MAP2K4: variants seen among roughly 807,000 people sequenced by gnomAD.
The protein encoded by MAP2K4 is dual specificity mitogen-activated protein kinase kinase 4.
In MAP2K4, 4 loss-of-function variants were observed where a neutral mutation model predicts 48.5. The observed-to-expected ratio is 0.08, with a 90% CI of 0.04 to 0.19. MAP2K4 has a LOEUF of 0.19. Among genes scored for constraint, MAP2K4 ranks in the 10% least tolerant of loss-of-function variants. MAP2K4 has a pLI of 1.00. For synonymous variants in MAP2K4, 166 were observed against 173.1 expected (o/e 0.96, Z 0.32); for missense variants, 258 against 493.3 (o/e 0.52, Z 4.52).
rs28921087 is a variant in MAP2K4 at position 12,133,430 on chromosome 17, T to C, written c.1040+4143T>C. ...TTCCCCAGATAAGGAATTTTGCTTC[T>C]AGATTGCCTGTTGGATAGTCATCGG... is the stretch of plus-strand genomic sequence containing the variant. On this transcript the variant is annotated intron_variant, in intron 9 of 10. Transcript: ENST00000353533. Among the ~76,000 whole-genome samples the C allele has an allele frequency of 6.2e-3, 949 of 152,334 alleles. 2 individuals carry two copies. The highest frequency in any genetic ancestry group is 0.036 in the East Asian group (187 of 5,186).
chr17:12,035,334 A>G (rs904771742), intron 1 of MAP2K4, among the ~76,000 whole-genome samples: 2 of 152,140 alleles, frequency 1.3e-5, no homozygotes, highest in African/African-American at 2.4e-5. Context: ...CCAGACCAAC[A>G]TGGAGAAACC....
intron 4 of MAP2K4, among the ~76,000 whole-genome samples, chr17:12,097,652 CAT>C (rs1372538088): frequency 2.0e-5 from 3 of 152,206 alleles, no homozygotes; most frequent in African/African-American, 4.8e-5. Flanking sequence ...GTTGTTTTCA[CAT>C]ATGTTTTCTT....
chr17:12,110,046 CA>C (rs1972252363), intron 5 of MAP2K4, among the ~76,000 whole-genome samples: 1 of 133,274 alleles, frequency 7.5e-6, no homozygotes. Flanking sequence ...GACCCAGTCT[CA>C]AAATAAAAAG....
At chr17:12,037,110 T>C (rs147651935) in intron 1 of MAP2K4, among the ~76,000 whole-genome samples, 3 of 152,318 alleles carry the variant, frequency 2.0e-5, no homozygotes, top group African/African-American at 4.8e-5. Context: ...TCCAGAGCTA[T>C]TATTCTGGAT....
At chr17:12,021,720 A>G (rs1172572693) in intron 1 of MAP2K4, among the ~76,000 whole-genome samples, 1 of 128,494 alleles carries the variant, frequency 7.8e-6, no homozygotes, top group African/African-American at 2.9e-5. Flanking sequence ...CTGTGTTAGC[A>G]TTGCGTGCAG....
intron 1 of MAP2K4, among the ~76,000 whole-genome samples, chr17:12,034,191 G>A (rs1200259694): frequency 6.6e-6 from 1 of 152,172 alleles, no homozygotes; most frequent in Non-Finnish European, 1.5e-5. Flanking sequence ...TAGTAAAATT[G>A]TATATACAGT....
intron 1 of MAP2K4, among the ~76,000 whole-genome samples, chr17:12,034,817 G>T (rs779326490): frequency 1.1e-4 from 17 of 152,128 alleles, no homozygotes; most frequent in Non-Finnish European, 2.2e-4. Context: ...GAGCATAAAG[G>T]GTGCTGAGAG....
intron 1 of MAP2K4, among the ~76,000 whole-genome samples, chr17:12,045,373 G>A (rs1026478567): frequency 4.6e-5 from 7 of 152,180 alleles, no homozygotes; most frequent in African/African-American, 1.7e-4. Context: ...TGTAAGACCT[G>A]TGTGCACGTG....
chr17:12,041,069 A>C lies in MAP2K4; in HGVS notation c.116-13820A>C, dbSNP rs1468380085. 3.3e-5 allele frequency among the ~76,000 whole-genome samples: 5 copies of C among 152,272 alleles called. No individual in the cohort carries two copies. The East Asian group carries it at 9.6e-4, about 29-fold the overall frequency. On this transcript the variant is annotated intron_variant, in intron 1 of 10. Coordinates refer to ENST00000353533, the MANE Select transcript of MAP2K4 (RefSeq NM_003010.4). ...ACATGAAGTAGATAGAATGCAGCAT[A>C]TCTTCTTTGAGTGCCATTCACGCTC... is the stretch of plus-strand genomic sequence containing the variant.
rs189893763 is a variant in MAP2K4, at chr17:12,081,157, A to G, written c.219-199A>G. ...TATGAATCCCGTTGAAGCTGTGTCT[A>G]TTGACTACCTAAATCTAGATCATTC... On this transcript the variant is annotated intron_variant, in intron 2 of 10. Coordinates refer to ENST00000353533, the MANE Select transcript of MAP2K4 (RefSeq NM_003010.4). This position sits in a 1 kb window ranked among gnomAD's most constrained non-coding sequence, Gnocchi z 4.2. Among the ~76,000 whole-genome samples, 47 of 152,338 alleles carry G rather than the reference A, an allele frequency of 3.1e-4. No homozygotes were observed. Among genetic ancestry groups the G allele is most frequent in the Non-Finnish European group, 5.3e-4 (36 of 68,028 alleles).
In MAP2K4 at chr17:12,081,289, A is replaced by T. The variant is rs2151548568; in HGVS notation, c.219-67A>T. 1 of 1,220,706 alleles carries T rather than the reference A, an allele frequency of 8.2e-7. No homozygotes were observed. Among genetic ancestry groups the T allele is most frequent in the Non-Finnish European group, 1.2e-6 (1 of 867,920 alleles). The allele number at this position is 1,220,706 out of a possible 1,614,324, so 75.6% of individuals were successfully genotyped here. The stretch of plus-strand genomic sequence containing the variant: ...AAAACATTTTTCCCACACATTAATC[A>T]GTACTAAAAGAAAAAAGTTAAAACC... On this transcript the variant is annotated intron_variant, in intron 2 of 10. Coordinates refer to ENST00000353533, the MANE Select transcript of MAP2K4 (RefSeq NM_003010.4). This position sits in a 1 kb window ranked among gnomAD's most constrained non-coding sequence, Gnocchi z 4.2.
intron 2 of MAP2K4, among the ~76,000 whole-genome samples, chr17:12,074,380 G>T (rs1970925467): frequency 6.6e-6 from 1 of 152,070 alleles, no homozygotes; most frequent in Non-Finnish European, 1.5e-5. Context: ...TTGTTCTTTG[G>T]TTAAGTTACT....
chr17:12,041,540 TCTGA>T (rs1234223521), intron 1 of MAP2K4, among the ~76,000 whole-genome samples: 2 of 152,238 alleles, frequency 1.3e-5, no homozygotes, highest in Non-Finnish European at 2.9e-5. Context: ...CCAGAAGATG[TCTGA>T]CTAATTTTTG....
At chr17:12,024,767 TA>T (rs1446943434) in intron 1 of MAP2K4, among the ~76,000 whole-genome samples, 3 of 152,182 alleles carry the variant, frequency 2.0e-5, no homozygotes, top group African/African-American at 7.2e-5. Flanking sequence ...TATTATTCTT[TA>T]GTCCAAGAAA....
intron 7 of MAP2K4, 103 bp from the exon 8 acceptor site, chr17:12,125,191 A>T: frequency 1.3e-6 from 1 of 791,908 alleles, no homozygotes; most frequent in Non-Finnish European, 2.3e-6. Flanking sequence ...GGATTCCTCT[A>T]GGAATATACT....
rs959911955 is a variant in MAP2K4, at chr17:12,020,911, G to C, written c.25G>C (p.Gly9Arg). Residue 9 changes from glycine (G) to arginine (R), a missense_variant, in exon 1 of 11, where the codon GGC becomes CGC. Transcript: ENST00000353533. The part of the protein sequence containing the change: MAAPSPSG[G>R]GGSGGGSGSG... Reference sequence around the variant, plus strand: ...AATGGCGGCTCCGAGCCCGAGCGGCGGCGGCGGCTCCGGGGGCGGCAGCGG... The same window carrying C: ...AATGGCGGCTCCGAGCCCGAGCGGCCGCGGCGGCTCCGGGGGCGGCAGCGG... 4.4e-5 allele frequency: 54 copies of C among 1,215,594 alleles called. 1 individual carries two copies. The highest frequency in any genetic ancestry group is 5.5e-5 in the Non-Finnish European group (54 of 977,594). 75.3% of individuals were successfully genotyped at this position (1,215,594 alleles called of 1,614,324 possible).
intron 1 of MAP2K4, among the ~76,000 whole-genome samples, chr17:12,043,607 T>C (rs1443774202): frequency 2.0e-5 from 3 of 152,132 alleles, no homozygotes; most frequent in Non-Finnish European, 2.9e-5. Context: ...GCATGTCTTA[T>C]GGAACTCAGG....
intron 1 of MAP2K4, among the ~76,000 whole-genome samples, chr17:12,042,907 C>G (rs1014335287): frequency 6.6e-6 from 1 of 151,842 alleles, no homozygotes; most frequent in Non-Finnish European, 1.5e-5. Flanking sequence ...ATTAGCCGGG[C>G]GTAGTGGCGG....
intron 7 of MAP2K4, among the ~76,000 whole-genome samples, chr17:12,120,792 C>T (rs1398595251): frequency 6.6e-6 from 1 of 152,136 alleles, no homozygotes; most frequent in Non-Finnish European, 1.5e-5. Context: ...GATGTTTCTT[C>T]TCACCTAAAA....
Sources: allele counts gnomAD v4.1 joint callset (sites outside exome capture counted in the v4.1 genomes callset), GRCh38; gene constraint gnomAD v4.1.1; non-coding constraint Gnocchi (gnomAD v3.1); transcripts MANE v1.5; gene names NCBI Gene and HGNC (gene_info 2026-07-23, HGNC 2026-07-21).